CALN1: variants seen among roughly 807,000 people sequenced by gnomAD.
The protein encoded by CALN1 is calneuron 1.
Under a neutral mutation model 30.6 loss-of-function variants are expected in CALN1, and 17 were observed. The ratio of observed to expected loss-of-function variants is 0.56; its 90% CI spans 0.38 to 0.83. CALN1 has a LOEUF of 0.83. Among genes scored for constraint, CALN1 ranks in the 40% least tolerant of loss-of-function variants. The pLI is 0.00. For missense variants in CALN1, 291 were observed against 354.9 expected (o/e 0.82, Z 1.45); for synonymous variants, 156 against 131.4 (o/e 1.19, Z -1.28).
At chr7:71,808,823 C>T (rs1362120171) in intron 6 of CALN1, among the ~76,000 whole-genome samples, 1 of 152,170 alleles carries the variant, frequency 6.6e-6, no homozygotes, top group African/African-American at 2.4e-5. Context: ...GTGGGGCTCA[C>T]ATCATCTGTC....
chr7:71,882,850 T>TTTTGTGTG (rs770012472), intron 5 of CALN1, among the ~76,000 whole-genome samples: 5 of 130,970 alleles, frequency 3.8e-5, no homozygotes, highest in African/African-American at 1.4e-4. Flanking sequence ...CCCATCTAAT[T>TTTTGTGTG]TGTGTGTGTG....
At chr7:72,461,190 G>A in the CALN1 span, among the ~76,000 whole-genome samples, 1 of 152,196 alleles carries the variant, frequency 6.6e-6, no homozygotes, top group African/African-American at 2.4e-5. Flanking sequence ...TGAGGAAAAG[G>A]GAACAATTAT....
upstream of CALN1, among the ~76,000 whole-genome samples, chr7:72,448,178 G>A (rs1352026368): frequency 6.6e-6 from 1 of 152,152 alleles, no homozygotes; most frequent in Non-Finnish European, 1.5e-5. Flanking sequence ...ACACCTACTT[G>A]CCCACTTTTC....
At chr7:72,284,224 G>A (rs986309637) in intron 2 of CALN1, among the ~76,000 whole-genome samples, 1 of 152,192 alleles carries the variant, frequency 6.6e-6, no homozygotes, top group Admixed American at 6.5e-5. Context: ...GAGCCCAGGA[G>A]TTTGAGGCTG....
intron 2 of CALN1, among the ~76,000 whole-genome samples, chr7:72,393,285 A>G (rs1343041224): frequency 6.6e-6 from 1 of 152,134 alleles, no homozygotes; most frequent in Non-Finnish European, 1.5e-5. Context: ...TAACACGGTG[A>G]AACCCCATCT....
chr7:71,819,331 C>T (rs1194618349), intron 5 of CALN1, among the ~76,000 whole-genome samples: 1 of 151,980 alleles, frequency 6.6e-6, no homozygotes, highest in Non-Finnish European at 1.5e-5. Flanking sequence ...GCCTCAGCCT[C>T]CTGAGTAGCT....
chr7:72,371,629 G>C (rs983623054), intron 2 of CALN1, among the ~76,000 whole-genome samples: 4 of 152,132 alleles, frequency 2.6e-5, no homozygotes, highest in African/African-American at 7.2e-5. Context: ...CCCAGTCTTG[G>C]GCAGTTCTTT....
At chr7:72,115,777 T>C (rs860003) in intron 3 of CALN1, among the ~76,000 whole-genome samples, 113,039 of 151,796 alleles carry the variant, frequency 0.74, 42,348 homozygotes, top group East Asian at 0.97. Context: ...TGAGTCACCG[T>C]GCCCGGCCAT....
At chr7:72,251,256 T>C (rs1016323928) in intron 3 of CALN1, among the ~76,000 whole-genome samples, 2 of 152,212 alleles carry the variant, frequency 1.3e-5, no homozygotes, top group Non-Finnish European at 1.5e-5. Flanking sequence ...ACACTGAACT[T>C]CCACATCACA....
intron 6 of CALN1, among the ~76,000 whole-genome samples, chr7:71,796,616 C>T (rs1786943026): frequency 6.6e-6 from 1 of 152,056 alleles, no homozygotes; most frequent in Admixed American, 6.5e-5. Flanking sequence ...CCTCGGCCTC[C>T]CAAAGTGCTG....
chr7:72,358,303 T>C (rs1243113235), intron 2 of CALN1, among the ~76,000 whole-genome samples: 1 of 151,974 alleles, frequency 6.6e-6, no homozygotes, highest in Non-Finnish European at 1.5e-5. Flanking sequence ...TAGCCTTGGA[T>C]CACAAATTTT....
chr7:72,339,137 CA>C (rs1286818233), intron 2 of CALN1, among the ~76,000 whole-genome samples: 17 of 152,134 alleles, frequency 1.1e-4, no homozygotes, highest in Non-Finnish European at 2.5e-4. Flanking sequence ...CATGTAGTTA[CA>C]AATCACTGGA....
chr7:72,261,703 T>C (rs1343997558), intron 3 of CALN1, among the ~76,000 whole-genome samples: 2 of 152,092 alleles, frequency 1.3e-5, no homozygotes, highest in Non-Finnish European at 1.5e-5. Context: ...GCTGGGATTA[T>C]AGGCATGAAT....
chr7:71,922,518 AAC>A (rs898753763), intron 5 of CALN1, among the ~76,000 whole-genome samples: 9 of 143,180 alleles, frequency 6.3e-5, no homozygotes, highest in East Asian at 2.0e-4. Flanking sequence ...CACAATATAT[AAC>A]ACACAGAATA....
At chr7:72,092,535 C>CT (rs1179689943) in intron 4 of CALN1, among the ~76,000 whole-genome samples, 1 of 148,568 alleles carries the variant, frequency 6.7e-6, no homozygotes. Context: ...TGTGTAGAGT[C>CT]TCCCATAATA....
chr7:72,434,348 C>CAAA (rs542641679), intron 1 of CALN1, among the ~76,000 whole-genome samples: 2 of 105,238 alleles, frequency 1.9e-5, no homozygotes, highest in Admixed American at 2.0e-4. Flanking sequence ...ACTAAAATAC[C>CAAA]AAAAAAAAAA....
intron 2 of CALN1, among the ~76,000 whole-genome samples, chr7:72,354,896 T>C (rs1462607448): frequency 6.7e-6 from 1 of 149,148 alleles, no homozygotes; most frequent in Non-Finnish European, 1.5e-5. Flanking sequence ...TTTCTTTTTT[T>C]TTTTCTTTTC....
chr7:71,982,412 T>C (rs903286086), intron 5 of CALN1, among the ~76,000 whole-genome samples: 5 of 152,168 alleles, frequency 3.3e-5, no homozygotes, highest in East Asian at 1.9e-4. Context: ...CTGGCCAACA[T>C]GGCAAAACCC....
At chr7:72,234,932 C>A (rs1585230228) in intron 3 of CALN1, among the ~76,000 whole-genome samples, 1 of 152,234 alleles carries the variant, frequency 6.6e-6, no homozygotes, top group East Asian at 1.9e-4. Context: ...AATTTCCCAA[C>A]ATATTGATTA....
Sources: gnomAD v4.1 joint callset for allele counts (sites outside exome capture counted in the v4.1 genomes callset) on GRCh38, gnomAD v4.1.1 for gene constraint, MANE v1.5 for transcripts, NCBI Gene and HGNC (gene_info 2026-07-23, HGNC 2026-07-21) for gene names.